The following JAZF1 variants were observed in gnomAD, a reference collection of about 807,000 sequenced individuals.
JAZF1 encodes juxtaposed with another zinc finger protein 1.
Under a neutral mutation model 26.4 loss-of-function variants are expected in JAZF1, and 8 were observed. That is an observed-to-expected ratio of 0.30 (90% CI 0.18 to 0.55). JAZF1 has a LOEUF of 0.55. Among genes scored for constraint, JAZF1 ranks in the 20% least tolerant of loss-of-function variants. The probability of loss-of-function intolerance (pLI) is 0.94; values close to 1 mark genes in which losing one functional copy is unlikely to be tolerated. For synonymous variants in JAZF1, 126 were observed against 122.3 expected (o/e 1.03, Z -0.20); for missense variants, 199 against 322.0 (o/e 0.62, Z 2.92).
intron 1 of JAZF1, among the ~76,000 whole-genome samples, chr7:28,179,403 G>A (rs1215925575): frequency 6.6e-6 from 1 of 152,196 alleles, no homozygotes; most frequent in Non-Finnish European, 1.5e-5. Context: ...AGGGAAAGCA[G>A]CCACCCTGCG....
chr7:28,139,038 C>CA (rs1192604597), intron 1 of JAZF1, among the ~76,000 whole-genome samples: 2 of 152,164 alleles, frequency 1.3e-5, no homozygotes, highest in African/African-American at 4.8e-5. Flanking sequence ...CACTGCCCAG[C>CA]ACTGAAGATC....
chr7:28,081,252 C>T (rs1399664943), intron 1 of JAZF1, among the ~76,000 whole-genome samples: 2 of 152,090 alleles, frequency 1.3e-5, no homozygotes, highest in Non-Finnish European at 2.9e-5. Flanking sequence ...AGCCCCTCCC[C>T]AAGGAAATCA....
At chr7:28,106,856 C>A (rs973993797) in intron 1 of JAZF1, among the ~76,000 whole-genome samples, 34 of 152,222 alleles carry the variant, frequency 2.2e-4, no homozygotes, top group Admixed American at 1.0e-3. Context: ...TTAGGAAACA[C>A]AGGTTCAGAC....
At chr7:28,157,140 G>T (rs1444989148) in intron 1 of JAZF1, among the ~76,000 whole-genome samples, 1 of 152,210 alleles carries the variant, frequency 6.6e-6, no homozygotes, top group East Asian at 1.9e-4. Context: ...AACCTCCAGA[G>T]TGTCTGCTGG....
At chr7:28,157,262 G>A (rs999092025) in intron 1 of JAZF1, among the ~76,000 whole-genome samples, 2 of 152,232 alleles carry the variant, frequency 1.3e-5, no homozygotes, top group Admixed American at 6.5e-5. Flanking sequence ...GAGGAGGCTG[G>A]CCTCAAGCAC....
intron 2 of JAZF1, among the ~76,000 whole-genome samples, chr7:27,970,735 T>C (rs1785360090): frequency 6.6e-6 from 1 of 152,268 alleles, no homozygotes; most frequent in Admixed American, 6.5e-5. Flanking sequence ...AAGCACACAT[T>C]AGTGTATCAC....
chr7:27,956,522 C>T (rs568636541), intron 2 of JAZF1, among the ~76,000 whole-genome samples: 1 of 152,322 alleles, frequency 6.6e-6, no homozygotes, highest in South Asian at 2.1e-4. Flanking sequence ...ATATCCCCTC[C>T]ACTTGGAATC....
intron 2 of JAZF1, among the ~76,000 whole-genome samples, chr7:27,907,774 G>T (rs561686155): frequency 1.3e-5 from 2 of 152,212 alleles, no homozygotes; most frequent in Non-Finnish European, 2.9e-5. Flanking sequence ...TTCTATGCCA[G>T]AGATGGCACA....
At chr7:28,152,607 A>G in intron 1 of JAZF1, among the ~76,000 whole-genome samples, 1 of 152,374 alleles carries the variant, frequency 6.6e-6, no homozygotes, top group East Asian at 1.9e-4. Context: ...GTAATAACAA[A>G]TGAATCCTGA....
intron 2 of JAZF1, among the ~76,000 whole-genome samples, chr7:27,989,602 C>A (rs184969766): frequency 6.6e-6 from 1 of 152,260 alleles, no homozygotes; most frequent in African/African-American, 2.4e-5. Flanking sequence ...AATCAAACAA[C>A]CCTATCAAAA....
At chr7:28,097,577 C>T (rs1303252623) in intron 1 of JAZF1, among the ~76,000 whole-genome samples, 1 of 152,096 alleles carries the variant, frequency 6.6e-6, no homozygotes, top group Admixed American at 6.5e-5. Context: ...GTGAATGGAC[C>T]TACATTGTGT....
intron 2 of JAZF1, among the ~76,000 whole-genome samples, chr7:27,974,801 G>C (rs1005083670): frequency 2.6e-5 from 4 of 152,062 alleles, no homozygotes; most frequent in African/African-American, 9.7e-5. Flanking sequence ...ATAAAGAAAA[G>C]AAAAGAGGTT....
chr7:28,051,287 G>A (rs1164932844), intron 1 of JAZF1, among the ~76,000 whole-genome samples: 2 of 151,740 alleles, frequency 1.3e-5, no homozygotes, highest in East Asian at 2.0e-4. Context: ...GTGCAGTGGT[G>A]TGATCTCAGC....
intron 1 of JAZF1, among the ~76,000 whole-genome samples, chr7:28,168,333 G>C (rs143006985): frequency 7.0e-6 from 1 of 142,400 alleles, no homozygotes; most frequent in South Asian, 2.2e-4. Context: ...AGTGAGCTGC[G>C]ACGCGCCATT....
rs560529420 is a variant in JAZF1, at chr7:28,081,845, T to C, written c.116-89864A>G. On this transcript the variant is annotated intron_variant, in intron 1 of 4. Coordinates refer to ENST00000283928, the MANE Select transcript of JAZF1 (RefSeq NM_175061.4). Reference sequence around the variant, plus strand: ...TCTATTAATTCACATATTATGCCATTTTCATTACCACAAAATGCTGCACTC... The same window carrying C: ...TCTATTAATTCACATATTATGCCATCTTCATTACCACAAAATGCTGCACTC... Among the ~76,000 whole-genome samples the C allele has an allele frequency of 7.2e-5, 11 of 152,342 alleles. No homozygotes were observed. The East Asian group carries it at 2.1e-3, about 29-fold the overall frequency.
At chr7:27,969,760 G>A (rs1020481020) in intron 2 of JAZF1, among the ~76,000 whole-genome samples, 6 of 151,884 alleles carry the variant, frequency 4.0e-5, no homozygotes, top group African/African-American at 1.4e-4. Context: ...TAAATTCTGA[G>A]CTGCAGGTTT....
At chr7:27,900,075 G>A (rs1784141138) in intron 2 of JAZF1, among the ~76,000 whole-genome samples, 1 of 152,150 alleles carries the variant, frequency 6.6e-6, no homozygotes, top group Non-Finnish European at 1.5e-5. Flanking sequence ...GGCAGGGGAG[G>A]TCTCTGGAAT....
intron 2 of JAZF1, among the ~76,000 whole-genome samples, chr7:27,943,515 G>A (rs994495335): frequency 2.0e-5 from 3 of 152,182 alleles, no homozygotes; most frequent in Admixed American, 1.3e-4. Context: ...CCTCTTCCCC[G>A]ACACCTCGGG....
chr7:27,958,727 T>C (rs1785140815), intron 2 of JAZF1, among the ~76,000 whole-genome samples: 1 of 152,240 alleles, frequency 6.6e-6, no homozygotes, highest in Non-Finnish European at 1.5e-5. Flanking sequence ...TGAAATGTTC[T>C]GGCTTTGACT....
Sources: allele counts gnomAD v4.1 joint callset (sites outside exome capture counted in the v4.1 genomes callset), GRCh38; gene constraint gnomAD v4.1.1; transcripts MANE v1.5; gene names NCBI Gene and HGNC (gene_info 2026-07-23, HGNC 2026-07-21).